TRAF7: variants seen among roughly 807,000 people sequenced by gnomAD.
TRAF7 encodes the protein TNF receptor associated factor 7, also known as E3 ubiquitin-protein ligase TRAF7.
In TRAF7, 45 loss-of-function variants were observed where a neutral mutation model predicts 89.3. The observed-to-expected ratio is 0.50, with a 90% CI of 0.40 to 0.65. TRAF7 has a LOEUF of 0.65. Among genes scored for constraint, TRAF7 ranks in the 30% least tolerant of loss-of-function variants. TRAF7 has a pLI of 0.00. For synonymous variants in TRAF7, 406 were observed against 369.2 expected, an observed-to-expected ratio of 1.10 and a Z score of -1.14; for missense variants, 677 against 918.1, an observed-to-expected ratio of 0.74 and a Z score of 3.39.
chr16:2,164,136 T>C (rs865798010), intron 2 of TRAF7, 135 bp downstream of exon 2: 3 of 588,932 alleles, frequency 5.1e-6, no homozygotes, highest in Non-Finnish European at 5.6e-6. Context: ...TGGGGGGGGG[T>C]GTGGTGTGTG....
At position 2,168,040 on chromosome 16, in the gene TRAF7, G is replaced by A; in HGVS notation, c.140-37G>A. ...CCCACCTCCCCCACATCTGCTGAGG[G>A]AGCCCCCACTGAGACGCCAGCCCTC... On this transcript the variant is annotated intron_variant, in intron 3 of 20. Coordinates refer to ENST00000326181, the MANE Select transcript of TRAF7 (RefSeq NM_032271.3). The surrounding 1 kb of genome is among the most constrained non-coding windows in gnomAD (Gnocchi z 4.1). The A allele has an allele frequency of 1.3e-6, 2 of 1,596,250 alleles. No individual in the cohort carries two copies. Among genetic ancestry groups the A allele is most frequent in the Non-Finnish European group, 1.7e-6 (2 of 1,170,670 alleles).
In TRAF7 at chr16:2,173,141, G is replaced by C. The variant is rs117921232; in HGVS notation, c.795-41G>C. ...GGATTCTTGGGGATGGGGAGGCACC[G>C]GCAGGGACCCGCCAGGCAGGCAGCT... is the stretch of plus-strand genomic sequence containing the variant. On this transcript the variant is annotated intron_variant, in intron 9 of 20. Coordinates refer to ENST00000326181, the MANE Select transcript of TRAF7 (RefSeq NM_032271.3). 6.4e-6 allele frequency: 10 copies of C among 1,570,730 alleles called. No individual in the cohort carries two copies. In the African/African-American group the frequency reaches 1.2e-4, roughly 19 times the overall value.
chr16:2,164,327 C>A (rs1306891947), intron 2 of TRAF7, among the ~76,000 whole-genome samples: 2 of 145,562 alleles, frequency 1.4e-5, no homozygotes, highest in African/African-American at 5.1e-5. Context: ...CATGGTAAAG[C>A]GTGTTAGTGC....
chr16:2,174,403 GTGAGCCA>G, intron 14 of TRAF7, 70 bp downstream of exon 14: 2 of 1,495,422 alleles, frequency 1.3e-6, no homozygotes, highest in Non-Finnish European at 1.8e-6. Flanking sequence ...CCCGTGGGCC[GTGAGCCA>G]TGAGCTCGAG....
chr16:2,170,660 G>A lies in TRAF7; in HGVS notation c.278G>A (p.Arg93His), dbSNP rs202208831. 8.1e-6 allele frequency: 13 copies of A among 1,610,222 alleles called. No homozygotes were observed. Among genetic ancestry groups the A allele is most frequent in the African/African-American group, 1.3e-5 (1 of 74,726 alleles). ...PRRSDSAISV[R>H]SLHSESSMSL... is the part of the protein sequence containing the mutation. ...CGCTCCGACTCCGCCATCTCTGTCC[G>A]CTCCCTGCACTCAGAGTCCAGCATG... The change falls in exon 5 of 21, where the codon CGC becomes CAC. Residue 93 changes from arginine (R) to histidine (H), a missense_variant. By Grantham distance (29) the Arg-to-His change is conservative. This residue lies in a region of TRAF7 where 240 missense variants were observed against 191.9 expected (regional missense o/e 1.25). Transcript: ENST00000326181.
At chr16:2,160,109 T>A (rs2093051513) in intron 1 of TRAF7, among the ~76,000 whole-genome samples, 1 of 152,034 alleles carries the variant, frequency 6.6e-6, no homozygotes, top group Non-Finnish European at 1.5e-5. Context: ...GACTTCCACT[T>A]CCTTATTGCA....
Position 2,175,866 on chromosome 16 carries a change from C to T in TRAF7, c.1659C>T (p.His553=), listed in dbSNP as rs568131637. Residue 553 remains histidine (H), a synonymous_variant, in exon 18 of 21, where the codon CAC becomes CAT. Transcript: ENST00000326181. ...ACATCCGAACCCTTGACTGCATCCA[C>T]GTCCTGCAGACGTCTGGTGGCAGCG... ...IWDIRTLDCI[H]VLQTSGGSVY... 5.2e-5 allele frequency: 84 copies of T among 1,613,570 alleles called. No individual in the cohort carries two copies. The highest frequency in any genetic ancestry group is 3.6e-4 in the South Asian group (33 of 91,088).
chr16:2,164,634 C>T (rs1319126652), intron 2 of TRAF7, among the ~76,000 whole-genome samples: 78 of 95,334 alleles, frequency 8.2e-4, no homozygotes, highest in African/African-American at 1.2e-3. Flanking sequence ...CTGCGTGGCG[C>T]GGCCTGGTCG....
chr16:2,171,628 G>A, intron 7 of TRAF7, 23 bp downstream of exon 7: 1 of 1,613,066 alleles, frequency 6.2e-7, no homozygotes. Flanking sequence ...CCCGGCCCAG[G>A]CCTGACGCCG....
Position 2,161,208 on chromosome 16 carries a change from C to T in TRAF7, c.-38-2675C>T, listed in dbSNP as rs2093057119. Among the ~76,000 whole-genome samples, 1 of 142,684 alleles carries T rather than the reference C, an allele frequency of 7.0e-6. No homozygotes were observed. Among genetic ancestry groups the T allele is most frequent in the East Asian group, 2.2e-4 (1 of 4,564 alleles). The allele number at this position is 142,684 out of a possible 152,430, so 93.6% of individuals were successfully genotyped here. A position where few individuals can be genotyped will look rare whatever the true frequency, so the allele number is the denominator to read the frequency against. On this transcript the variant is annotated intron_variant, in intron 1 of 20. Transcript: ENST00000326181. This position sits in a 1 kb window ranked among gnomAD's most constrained non-coding sequence, Gnocchi z 5.2. ...CTCCTTCCGTCCCCCTCCCTCCCTC[C>T]GTCCCCCTGCTTCCCTCTGCCCCCT...
chr16:2,173,623 C>G, intron 11 of TRAF7, 69 bp downstream of exon 11: 10 of 1,590,848 alleles, frequency 6.3e-6, no homozygotes, highest in Non-Finnish European at 8.6e-6. Context: ...GCAGGGAGGC[C>G]TCCCCTGGCC....
At position 2,158,567 on chromosome 16, in the gene TRAF7, G is replaced by A. The variant is rs976893797; in HGVS notation, c.-39+2709G>A. 1.2e-4 allele frequency among the ~76,000 whole-genome samples: 18 copies of A among 152,338 alleles called. No individual in the cohort carries two copies. The highest frequency in any genetic ancestry group is 2.6e-4 in the Admixed American group (4 of 15,302). ...AAAGGAGGTGGCAGTGCGGTGGCACGCTGGCATGAGGGCGCTGGGTGACTG... is the reference window on the plus strand; with the variant it reads ...AAAGGAGGTGGCAGTGCGGTGGCACACTGGCATGAGGGCGCTGGGTGACTG... On this transcript the variant is annotated intron_variant, in intron 1 of 20. Coordinates refer to ENST00000326181, the MANE Select transcript of TRAF7 (RefSeq NM_032271.3). This position sits in a 1 kb window ranked among gnomAD's most constrained non-coding sequence, Gnocchi z 4.7.
At chr16:2,171,206 T>G (rs1487856889) in intron 5 of TRAF7, 58 bp from the exon 6 acceptor site, 2 of 1,418,838 alleles carry the variant, frequency 1.4e-6, no homozygotes, top group Admixed American at 4.0e-5. Context: ...GGTGCCTGGG[T>G]GGTGGCGGGG....
At position 2,166,638 on chromosome 16, in the gene TRAF7, G is replaced by A. The variant is rs9932528; in HGVS notation, c.139+702G>A. Among the ~76,000 whole-genome samples the A allele has an allele frequency of 9.0e-3, 1,378 of 152,302 alleles. 27 individuals are homozygous for A. The highest frequency in any genetic ancestry group is 0.032 in the African/African-American group (1,310 of 41,546). Reference sequence around the variant, plus strand: ...GATGGTCTCAAATTCCTGGGCTCACGTGATCCTCCTGCCTTGGCCTCCCAA... The same window carrying A: ...GATGGTCTCAAATTCCTGGGCTCACATGATCCTCCTGCCTTGGCCTCCCAA... On this transcript the variant is annotated intron_variant, in intron 3 of 20. Transcript: ENST00000326181.
At chr16:2,171,436 G>A in intron 6 of TRAF7, 80 bp downstream of exon 6, 1 of 1,533,578 alleles carries the variant, frequency 6.5e-7, no homozygotes. Flanking sequence ...CCGGGGCTGT[G>A]GCGCCCTGGC....
intron 4 of TRAF7, among the ~76,000 whole-genome samples, chr16:2,170,002 C>A (rs1020284784): frequency 6.6e-6 from 1 of 152,188 alleles, no homozygotes; most frequent in Non-Finnish European, 1.5e-5. Context: ...GTCTGCCCCT[C>A]CCCCAGGCTC....
Position 2,158,516 on chromosome 16 carries a change from G to A in TRAF7, c.-39+2658G>A, listed in dbSNP as rs1393424605. ...AGGGGGCAGCGACGCAGAGGGCCAG[G>A]ACTGAGGGCCGTGGGACGGTGTGGG... On this transcript the variant is annotated intron_variant, in intron 1 of 20. Transcript: ENST00000326181. The surrounding 1 kb of genome is among the most constrained non-coding windows in gnomAD (Gnocchi z 4.7). Among the ~76,000 whole-genome samples, 1 of 152,230 alleles carries A rather than the reference G, an allele frequency of 6.6e-6. No homozygotes were observed. The highest frequency in any genetic ancestry group is 1.5e-5 in the Non-Finnish European group (1 of 68,034).
chr16:2,159,472 G>A lies in TRAF7; in HGVS notation c.-39+3614G>A, dbSNP rs911087179. Among the ~76,000 whole-genome samples, 1 of 152,236 alleles carries A rather than the reference G, an allele frequency of 6.6e-6. No individual in the cohort carries two copies. Among genetic ancestry groups the A allele is most frequent in the African/African-American group, 2.4e-5 (1 of 41,450 alleles). On this transcript the variant is annotated intron_variant, in intron 1 of 20. Coordinates refer to ENST00000326181, the MANE Select transcript of TRAF7 (RefSeq NM_032271.3). The surrounding 1 kb of genome is among the most constrained non-coding windows in gnomAD (Gnocchi z 6.5). ...GTTCTAAGGGACGTCAGGGAACAGC[G>A]GCGGAAGTGCGTGTGGCTTTGCTAT... is the stretch of plus-strand genomic sequence containing the variant.
intron 3 of TRAF7, 110 bp downstream of exon 3, chr16:2,166,046 G>T: frequency 7.1e-7 from 1 of 1,409,718 alleles, no homozygotes; most frequent in Non-Finnish European, 9.8e-7. Flanking sequence ...TTGGGTGCCA[G>T]TGCTGGGCGC....
Sources: allele counts gnomAD v4.1 joint callset (sites outside exome capture counted in the v4.1 genomes callset), GRCh38; gene constraint gnomAD v4.1.1; regional missense constraint gnomAD v4.1.1; non-coding constraint Gnocchi (gnomAD v3.1); transcripts MANE v1.5; gene names NCBI Gene and HGNC (gene_info 2026-07-23, HGNC 2026-07-21).